Variants in LRRC74B observed in about 807,000 individuals in gnomAD.
LRRC74B encodes the protein leucine rich repeat containing 74B.
LRRC74B carries 30 observed loss-of-function variants against 16.6 expected under a neutral mutation model. The ratio of observed to expected loss-of-function variants is 1.80; its 90% CI spans 1.35 to 2.45. The LOEUF is 2.45. Among genes scored for constraint, LRRC74B ranks in the 30% most tolerant of loss-of-function variants. The probability of loss-of-function intolerance (pLI) is 0.00; values close to 1 mark genes in which losing one functional copy is unlikely to be tolerated. For missense variants in LRRC74B, 326 were observed against 202.4 expected (o/e 1.61, Z -3.71); for synonymous variants, 134 against 86.0 (o/e 1.56, Z -3.09).
At chr22:21,046,699 A>G (rs1471961033) in intron 1 of LRRC74B, among the ~76,000 whole-genome samples, 1 of 152,038 alleles carries the variant, frequency 6.6e-6, no homozygotes, top group Non-Finnish European at 1.5e-5. Context: ...GTGGCAGGAT[A>G]ATAGCTCACT....
downstream of LRRC74B, among the ~76,000 whole-genome samples, chr22:21,061,055 C>T (rs1158930636): frequency 3.9e-5 from 6 of 152,126 alleles, no homozygotes; most frequent in East Asian, 3.8e-4. Context: ...GGGCCGGACG[C>T]GGTGGCTCAC....
At chr22:21,049,443 C>G (rs116878923) in intron 4 of LRRC74B, 1 of 345,676 alleles carries the variant, frequency 2.9e-6, no homozygotes, top group Non-Finnish European at 5.4e-6. Flanking sequence ...ACAATGTTAA[C>G]AACATCATTC....
intron 1 of LRRC74B, 96 bp downstream of exon 1, chr22:21,046,221 A>G: frequency 1.5e-6 from 1 of 655,392 alleles, no homozygotes; most frequent in Non-Finnish European, 2.8e-6. Context: ...CCAGCAGGGA[A>G]CGTACCCGCC....
chr22:21,053,726 C>A lies in LRRC74B; in HGVS notation c.848+251C>A, dbSNP rs60503189. 9,087 of 301,386 alleles carry A rather than the reference C, an allele frequency of 0.03. 1,002 individuals carry two copies. The East Asian group carries it at 0.31, about 10-fold the overall frequency. The allele number at this position is 301,386 out of a possible 1,614,324, so 18.7% of individuals were successfully genotyped here. A position where few individuals can be genotyped will look rare whatever the true frequency, so the allele number is the denominator to read the frequency against. On this transcript the variant is annotated intron_variant, in intron 6 of 8. Transcript: ENST00000442047. The stretch of plus-strand genomic sequence containing the variant: ...GCAGCCTTGGCCTTCCCAGCTCAAG[C>A]AATCCCACCACCTCAGCCTCCCAAG...
intron 7 of LRRC74B, 40 bp from the exon 8 acceptor site, chr22:21,057,065 C>T (rs558064991): frequency 6.6e-5 from 47 of 715,880 alleles, no homozygotes; most frequent in East Asian, 6.2e-4. Context: ...CTGGCCTTCC[C>T]GGACCTGGCT....
At chr22:21,057,878 T>A (rs1930629126) in intron 8 of LRRC74B, among the ~76,000 whole-genome samples, 1 of 147,858 alleles carries the variant, frequency 6.8e-6, no homozygotes, top group African/African-American at 2.5e-5. Context: ...ATGTCTTGGG[T>A]CAATTTTGAT....
rs1555952676 is a variant in LRRC74B at position 21,056,596 on chromosome 22, G to GTACACACACA, written c.928-509_928-508insTACACACACA. On this transcript the variant is annotated intron_variant, in intron 7 of 8. Transcript: ENST00000442047. Reference sequence around the variant, plus strand: ...TCAGTGCTCTCACCCCAAGCTTGGAGCACACACACACACACACACACACAC... The same window carrying GTACACACACA: ...TCAGTGCTCTCACCCCAAGCTTGGAGTACACACACACACACACACACACACACACACACAC... 1.1e-4 allele frequency: 16 copies of GTACACACACA among 140,304 alleles called. 1 individual carries two copies. The highest frequency in any genetic ancestry group is 4.3e-4 in the African/African-American group (16 of 37,578). The allele number at this position is 140,304 out of a possible 1,614,324, so 8.7% of individuals were successfully genotyped here. A position where few individuals can be genotyped will look rare whatever the true frequency, so the allele number is the denominator to read the frequency against.
exon 5 of LRRC74B, chr22:21,052,261 G>T (rs377624376): frequency 1.4e-6 from 1 of 717,518 alleles, no homozygotes. Flanking sequence ...GAGACACTTG[G>T]ACCAGCCCTG....
At chr22:21,060,418 A>G (rs1398691232) in exon 9 of LRRC74B, 1 of 717,114 alleles carries the variant, frequency 1.4e-6, no homozygotes. Context: ...TAGCTCAGTG[A>G]GGGGAATTCT....
At chr22:21,046,275 G>C in intron 1 of LRRC74B, 150 bp downstream of exon 1, 1 of 593,584 alleles carries the variant, frequency 1.7e-6, no homozygotes. Flanking sequence ...ATTGCTCCTG[G>C]AAGCATCAGG....
chr22:21,057,107 GT>G lies in LRRC74B; in HGVS notation c.931del (p.Ser311ProfsTer35). The G allele has an allele frequency of 1.4e-6, 1 of 717,418 alleles. No individual in the cohort carries two copies. Among genetic ancestry groups the G allele is most frequent in the Non-Finnish European group, 2.6e-6 (1 of 385,074 alleles). The allele number at this position is 717,418 out of a possible 1,614,324, so 44.4% of individuals were successfully genotyped here. A position where few individuals can be genotyped will look rare whatever the true frequency, so the allele number is the denominator to read the frequency against. ...AGCTTTGTGTGCGTGTTTCTCAGGT[GT>G]CCAGGAATCCCATGCGAAGTGAAGG... On this transcript the variant is annotated frameshift_variant, in exon 8 of 9. Transcript: ENST00000442047. LOFTEE classifies it high-confidence loss of function.
At chr22:21,063,030 C>T (rs2097634), downstream of LRRC74B, 1 of 105,578 alleles carries the variant, frequency 9.5e-6, no homozygotes, top group Non-Finnish European at 1.8e-5. Flanking sequence ...GAACCTGTCT[C>T]GAAAAAAAAA....
chr22:21,059,050 C>T (rs1273106449), intron 8 of LRRC74B, among the ~76,000 whole-genome samples: 4 of 152,182 alleles, frequency 2.6e-5, no homozygotes, highest in Admixed American at 6.5e-5. Flanking sequence ...GTCAGGAGTT[C>T]GAGACCACCC....
chr22:21,046,489 G>T lies in LRRC74B; in HGVS notation c.139+364G>T, dbSNP rs1929447002. ...GTTAAAAGACACAGCATGCAATTTG[G>T]CATCAGACAGGCAGAGGCCTGACTC... On this transcript the variant is annotated intron_variant, in intron 1 of 8. Transcript: ENST00000442047. Among the ~76,000 whole-genome samples, 3 of 152,094 alleles carry T rather than the reference G, an allele frequency of 2.0e-5. No homozygotes were observed. The South Asian group carries it at 6.2e-4, about 31-fold the overall frequency.
chr22:21,049,255 C>T (rs1185031638), intron 4 of LRRC74B, 98 bp downstream of exon 4: 1 of 603,936 alleles, frequency 1.7e-6, no homozygotes, highest in Non-Finnish European at 3.0e-6. Context: ...CGCCAGGGAG[C>T]ATGTGCTCTG....
At chr22:21,051,834 A>G (rs1394526435) in intron 4 of LRRC74B, among the ~76,000 whole-genome samples, 5 of 151,994 alleles carry the variant, frequency 3.3e-5, no homozygotes, top group Non-Finnish European at 7.4e-5. Flanking sequence ...TGCCATTTGC[A>G]GTTTCCTGTG....
At chr22:21,049,301 T>G (rs532380757) in intron 4 of LRRC74B, 144 bp downstream of exon 4, 1 of 599,750 alleles carries the variant, frequency 1.7e-6, no homozygotes, top group African/African-American at 1.9e-5. Flanking sequence ...GCCCCACTCC[T>G]CTTCCACTCC....
intron 3 of LRRC74B, 113 bp from the exon 4 acceptor site, chr22:21,048,838 T>A: frequency 1.6e-6 from 1 of 643,380 alleles, no homozygotes; most frequent in South Asian, 1.8e-5. Context: ...CCCAGGACAG[T>A]TAACCTGTAA....
intron 8 of LRRC74B, among the ~76,000 whole-genome samples, chr22:21,059,609 T>C (rs1296647562): frequency 6.6e-6 from 1 of 152,242 alleles, no homozygotes; most frequent in Non-Finnish European, 1.5e-5. Context: ...TAGCCTGAAT[T>C]GAATATTCTA....
Sources: gnomAD v4.1 joint callset for allele counts (sites outside exome capture counted in the v4.1 genomes callset) on GRCh38, gnomAD v4.1.1 for gene constraint, MANE v1.5 for transcripts, NCBI Gene and HGNC (gene_info 2026-07-23, HGNC 2026-07-21) for gene names.